LIAS: variants seen among roughly 807,000 people sequenced by gnomAD.
LIAS encodes lipoyl synthase, mitochondrial.
In LIAS, 36 loss-of-function variants were observed where a neutral mutation model predicts 49.4. The ratio of observed to expected loss-of-function variants is 0.73; its 90% CI spans 0.56 to 0.96. LIAS has a LOEUF of 0.96. Ranked by LOEUF, LIAS falls within the 40% of genes least tolerant of loss-of-function variation. The pLI is 0.00. For missense variants in LIAS, 399 were observed against 456.3 expected, an observed-to-expected ratio of 0.87 and a Z score of 1.14; for synonymous variants, 145 against 155.8, an observed-to-expected ratio of 0.93 and a Z score of 0.52.
chr4:39,467,437 C>G, intron 6 of LIAS, 81 bp from the exon 7 acceptor site: 3 of 1,369,128 alleles, frequency 2.2e-6, no homozygotes, highest in South Asian at 3.1e-5. Flanking sequence ...GCATACTGAA[C>G]GATTACTGAT....
Position 39,474,267 on chromosome 4 carries a change from A to C in LIAS, c.1066+1056A>C, listed in dbSNP as rs539456736. ...AACAGAGCAAGACTCTGTCTCAAAAAAAAAAAAAAAAAAAGAATAAATAGG... is the reference window on the plus strand; with the variant it reads ...AACAGAGCAAGACTCTGTCTCAAAACAAAAAAAAAAAAAAGAATAAATAGG... On this transcript the variant is annotated intron_variant, in intron 10 of 10. Coordinates refer to ENST00000640888, the MANE Select transcript of LIAS (RefSeq NM_006859.4). Among the ~76,000 whole-genome samples the C allele has an allele frequency of 1.3e-4, 20 of 150,442 alleles. No homozygotes were observed. The East Asian group carries it at 3.9e-3, about 29-fold the overall frequency.
In LIAS at chr4:39,460,854, A is replaced by T. The variant is rs763606110; in HGVS notation, c.110A>T (p.Glu37Val). Residue 37 changes from glutamate (E) to valine (V), a missense_variant, in exon 2 of 11, where the codon GAA becomes GTA. Coordinates refer to ENST00000640888, the MANE Select transcript of LIAS (RefSeq NM_006859.4). ...AGCTCCTTGCCAGATAAAAAAAAGG[A>T]ACTCCTACAGAATGGACCAGACCTT... ...PLSSLPDKKK[E>V]LLQNGPDLQD... The T allele has an allele frequency of 3.1e-5, 50 of 1,609,720 alleles. No individual in the cohort carries two copies. Among genetic ancestry groups the T allele is most frequent in the Non-Finnish European group, 4.2e-5 (49 of 1,178,742 alleles).
intron 3 of LIAS, 122 bp downstream of exon 3, chr4:39,462,411 A>G (rs868083181): frequency 3.0e-6 from 1 of 334,518 alleles, no homozygotes; most frequent in Non-Finnish European, 5.5e-6. Flanking sequence ...GTTAAGTGAT[A>G]CATTACTACC....
chr4:39,468,335 A>T (rs190671897), intron 7 of LIAS: 1 of 150,920 alleles, frequency 6.6e-6, no homozygotes, highest in Non-Finnish European at 1.5e-5. Context: ...CAAGATAGCC[A>T]GGCGTGGTGG....
At chr4:39,467,776 G>A in intron 7 of LIAS, 130 bp downstream of exon 7, 3 of 880,246 alleles carry the variant, frequency 3.4e-6, no homozygotes, top group Admixed American at 3.0e-5. Flanking sequence ...TTGTTTTTTA[G>A]GCAAACTCAA....
At chr4:39,465,479 T>G in intron 6 of LIAS, 137 bp downstream of exon 6, 1 of 751,500 alleles carries the variant, frequency 1.3e-6, no homozygotes, top group Non-Finnish European at 2.1e-6. Context: ...CTGGAAATTA[T>G]GTACACATTT....
rs76534325 is a variant in LIAS, at chr4:39,465,019, A to G, written c.394-27A>G. 0.05 allele frequency: 79,766 copies of G among 1,585,338 alleles called. 2,282 individuals are homozygous for G. Among genetic ancestry groups the G allele is most frequent in the Non-Finnish European group, 0.06 (69,600 of 1,156,940 alleles). On this transcript the variant is annotated intron_variant, in intron 4 of 10. Transcript: ENST00000640888. ...TCCTTAAGGGTCATCTGTCTATTTCATTTAAATTGTAACATTTCTATTCTA... is the reference window on the plus strand; with the variant it reads ...TCCTTAAGGGTCATCTGTCTATTTCGTTTAAATTGTAACATTTCTATTCTA...
Position 39,470,156 on chromosome 4 carries a change from CAATG to C in LIAS, c.878_881del (p.Met293LysfsTer8). The C allele has an allele frequency of 6.2e-7, 1 of 1,608,324 alleles. No individual in the cohort carries two copies. The highest frequency in any genetic ancestry group is 8.5e-7 in the Non-Finnish European group (1 of 1,176,258). On this transcript the variant is annotated frameshift_variant, in exon 8 of 11. Coordinates refer to ENST00000640888, the MANE Select transcript of LIAS (RefSeq NM_006859.4). LOFTEE classifies it high-confidence loss of function. ...GAGAATGATGAGCAAGTATATGCAACAATGAAAGGTAAAGAAATTGAAAAATGAA... is the reference window on the plus strand; with the variant it reads ...GAGAATGATGAGCAAGTATATGCAACAAAGGTAAAGAAATTGAAAAATGAA...
At chr4:39,460,750 G>T in intron 1 of LIAS, 40 bp from the exon 2 acceptor site, 1 of 1,485,248 alleles carries the variant, frequency 6.7e-7, no homozygotes, top group South Asian at 1.4e-5. Flanking sequence ...AATTATTACG[G>T]ACTCCACTAA....
intron 10 of LIAS, chr4:39,476,723 A>G (rs1434552983): frequency 2.2e-5 from 4 of 178,702 alleles, no homozygotes; most frequent in African/African-American, 9.5e-5. Context: ...GAATTTTGCC[A>G]AGAGCAATAC....
chr4:39,473,345 G>A (rs1447873304), intron 10 of LIAS, 134 bp downstream of exon 10: 3 of 585,944 alleles, frequency 5.1e-6, no homozygotes, highest in East Asian at 5.8e-5. Flanking sequence ...TTTTTCTTCT[G>A]GAACATCCTT....
intron 6 of LIAS, 177 bp from the exon 7 acceptor site, chr4:39,467,341 C>CT (rs74272801): frequency 0.04 from 14,768 of 373,008 alleles, 1 homozygote; most frequent in Middle Eastern, 0.067. Flanking sequence ...TAACGGTCTG[C>CT]TTTTTTTTTT....
At position 39,465,297 on chromosome 4, in the gene LIAS, G is replaced by C. The variant is rs1210720598; in HGVS notation, c.563G>C (p.Gly188Ala). The change falls in exon 6 of 11, where the codon GGG becomes GCG. Residue 188 changes from glycine (G) to alanine (A), a missense_variant. Gly to Ala is a moderately conservative substitution (Grantham distance 60). This residue lies in a region of LIAS where 234 missense variants were observed against 292.2 expected (regional missense o/e 0.80). Coordinates refer to ENST00000640888, the MANE Select transcript of LIAS (RefSeq NM_006859.4). Reference sequence around the variant, plus strand: ...CTTTTGTTTCTAGATATGCCTGATGGGGGAGCTGAACACATTGCAAAGACC... The same window carrying C: ...CTTTTGTTTCTAGATATGCCTGATGCGGGAGCTGAACACATTGCAAAGACC... The part of the protein sequence containing the change: ...TSVDRDDMPD[G>A]GAEHIAKTVS... The C allele has an allele frequency of 1.2e-6, 2 of 1,612,668 alleles. No homozygotes were observed. The highest frequency in any genetic ancestry group is 2.7e-5 in the African/African-American group (2 of 74,828).
chr4:39,471,596 G>A (rs1173234996), intron 9 of LIAS, among the ~76,000 whole-genome samples: 5 of 137,154 alleles, frequency 3.6e-5, no homozygotes, highest in Non-Finnish European at 7.6e-5. Flanking sequence ...GGGCAATCTC[G>A]GCTCACTGCA....
intron 3 of LIAS, among the ~76,000 whole-genome samples, chr4:39,462,743 G>C (rs150248751): frequency 0.015 from 2,347 of 152,274 alleles, 60 homozygotes; most frequent in African/African-American, 0.054. Context: ...CCAGTACTTC[G>C]GAAGGCCGAG....
chr4:39,471,251 A>T lies in LIAS; in HGVS notation c.899A>T (p.Asp300Val). 6.2e-7 allele frequency: 1 copy of T among 1,610,808 alleles called. No individual in the cohort carries two copies. Among genetic ancestry groups the T allele is most frequent in the Non-Finnish European group, 8.5e-7 (1 of 1,177,962 alleles). ...CTTCCTACAGCACTTCGTGAGGCAG[A>T]TGTAGACTGCTTGACTTTAGGACAA... ...YATMKALREA[D>V]VDCLTLGQYM... is the part of the protein sequence containing the mutation. The change falls in exon 9 of 11, where the codon GAT (aspartate) becomes GTT (valine). Residue 300 changes from aspartate to valine, a missense_variant. By Grantham distance (152) the Asp-to-Val change is radical. Coordinates refer to ENST00000640888, the MANE Select transcript of LIAS (RefSeq NM_006859.4).
Position 39,471,265 on chromosome 4 carries a change from A to G in LIAS, c.913A>G (p.Thr305Ala), listed in dbSNP as rs1433596449. 1 of 1,611,498 alleles carries G rather than the reference A, an allele frequency of 6.2e-7. No homozygotes were observed. Among genetic ancestry groups the G allele is most frequent in the Non-Finnish European group, 8.5e-7 (1 of 1,178,882 alleles). The change falls in exon 9 of 11, where the codon ACT becomes GCT. Residue 305 changes from threonine to alanine, a missense_variant. Coordinates refer to ENST00000640888, the MANE Select transcript of LIAS (RefSeq NM_006859.4). ...ALREADVDCL[T>A]LGQYMQPTRR... ...TCGTGAGGCAGATGTAGACTGCTTGACTTTAGGACAATATATGCAGCCAAC... is the reference window on the plus strand; with the variant it reads ...TCGTGAGGCAGATGTAGACTGCTTGGCTTTAGGACAATATATGCAGCCAAC...
intron 7 of LIAS, 108 bp downstream of exon 7, chr4:39,467,754 C>T (rs555496586): frequency 8.7e-7 from 1 of 1,146,106 alleles, no homozygotes; most frequent in Admixed American, 2.9e-5. Flanking sequence ...ACAAAGTAAA[C>T]TCTATTCTTT....
intron 4 of LIAS, chr4:39,464,361 T>A (rs1050783634): frequency 6.6e-6 from 1 of 151,618 alleles, no homozygotes; most frequent in African/African-American, 2.4e-5. Flanking sequence ...AAGTATCTTA[T>A]AAACTGTGTA....
Sources: gnomAD v4.1 joint callset for allele counts (sites outside exome capture counted in the v4.1 genomes callset) on GRCh38, gnomAD v4.1.1 for gene constraint, gnomAD v4.1.1 regional missense constraint, MANE v1.5 for transcripts, NCBI Gene and HGNC (gene_info 2026-07-23, HGNC 2026-07-21) for gene names.